Variants in TTBK2 observed in about 807,000 individuals in gnomAD.
TTBK2 encodes the protein tau tubulin kinase 2.
Under a neutral mutation model 110.8 loss-of-function variants are expected in TTBK2, and 28 were observed. The ratio of observed to expected loss-of-function variants is 0.25; its 90% confidence interval spans 0.19 to 0.35. TTBK2 has a LOEUF of 0.35. Among genes scored for constraint, TTBK2 ranks in the 10% least tolerant of loss-of-function variants. The probability of loss-of-function intolerance (pLI) is 1.00; values close to 1 mark genes in which losing one functional copy is unlikely to be tolerated. For missense variants in TTBK2, 1,369 were observed against 1,500.3 expected, an observed-to-expected ratio of 0.91 and a Z score of 1.45; for synonymous variants, 532 against 527.3, an observed-to-expected ratio of 1.01 and a Z score of -0.12.
rs1039246371 is a variant in TTBK2, at chr15:42,816,780, G to A, written c.603+252C>T. ...TAAAAATACAAAAAATTAGCTGGGC[G>A]TGGTGGCGGGCACCTGTAATTCCAG... On this transcript the variant is annotated intron_variant, in intron 7 of 14. Coordinates refer to ENST00000267890, the MANE Select transcript of TTBK2 (RefSeq NM_173500.4). Among the ~76,000 whole-genome samples, 10 of 151,916 alleles carry A rather than the reference G, an allele frequency of 6.6e-5. No homozygotes were observed. The South Asian group carries it at 1.9e-3, about 28-fold the overall frequency.
intron 13 of TTBK2, among the ~76,000 whole-genome samples, chr15:42,771,665 A>AC (rs1442364605): frequency 6.6e-6 from 1 of 152,250 alleles, no homozygotes; most frequent in Admixed American, 6.5e-5. Context: ...ATGTTGGCTA[A>AC]CAGGTTATTA....
At chr15:42,878,104 AGCTGGGACTACAGGC>A (rs1360552858) in intron 2 of TTBK2, among the ~76,000 whole-genome samples, 2 of 147,682 alleles carry the variant, frequency 1.4e-5, no homozygotes, top group East Asian at 3.9e-4. Context: ...CCTCCTGAGT[AGCTGGGACTACAGGC>A]GCCTGCACCA....
chr15:42,763,588 G>C (rs1004369121), intron 13 of TTBK2, among the ~76,000 whole-genome samples: 1 of 152,092 alleles, frequency 6.6e-6, no homozygotes, highest in African/African-American at 2.4e-5. Flanking sequence ...ATAAACGTTT[G>C]AGATGATGTA....
intron 3 of TTBK2, among the ~76,000 whole-genome samples, chr15:42,856,436 A>G (rs1893944831): frequency 6.6e-6 from 1 of 152,240 alleles, no homozygotes; most frequent in Non-Finnish European, 1.5e-5. Flanking sequence ...TGACATGGCA[A>G]CAAAATATAA....
intron 3 of TTBK2, among the ~76,000 whole-genome samples, chr15:42,843,008 A>C (rs1466493424): frequency 2.0e-5 from 3 of 152,204 alleles, no homozygotes; most frequent in Non-Finnish European, 4.4e-5. Context: ...AGAAACAATA[A>C]AAAATAAGTT....
chr15:42,763,157 C>CACAT (rs1435376904), intron 13 of TTBK2, among the ~76,000 whole-genome samples: 2 of 20,472 alleles, frequency 9.8e-5, no homozygotes, highest in South Asian at 3.4e-3. Context: ...TATATATATA[C>CACAT]ATATATATAT....
intron 3 of TTBK2, among the ~76,000 whole-genome samples, chr15:42,861,695 GAACA>G (rs1026987712): frequency 3.2e-4 from 48 of 151,460 alleles, no homozygotes; most frequent in African/African-American, 1.0e-3. Context: ...AAAAAAAAGA[GAACA>G]AACTAATCCC....
chr15:42,812,946 A>G lies in TTBK2; in HGVS notation c.604-1166T>C, dbSNP rs897267237. 3.9e-5 allele frequency among the ~76,000 whole-genome samples: 6 copies of G among 152,128 alleles called. No individual in the cohort carries two copies. The East Asian group carries it at 1.2e-3, about 29-fold the overall frequency. ...TATCTAGAATGCAGCACAGAGACAC[A>G]AAGAATTAGAGAATCCAGTAGTGAA... On this transcript the variant is annotated intron_variant, in intron 7 of 14. Coordinates refer to ENST00000267890, the MANE Select transcript of TTBK2 (RefSeq NM_173500.4).
At chr15:42,864,559 A>C (rs1207726996) in intron 3 of TTBK2, among the ~76,000 whole-genome samples, 1 of 152,026 alleles carries the variant, frequency 6.6e-6, no homozygotes, top group African/African-American at 2.4e-5. Context: ...ACCCCAGCCT[A>C]GGCAATAAGA....
Position 42,878,508 on chromosome 15 carries a change from C to CACAA in TTBK2, c.69+40_69+41insTTGT, listed in dbSNP as rs753299039. On this transcript the variant is annotated intron_variant, in intron 2 of 14. Transcript: ENST00000267890. ...CGATATGTATACACACACACACACA[C>CACAA]ACACACACACACACACACACTCTCT... is the stretch of plus-strand genomic sequence containing the variant. 1.9e-6 allele frequency: 3 copies of CACAA among 1,605,446 alleles called. No homozygotes were observed. In the South Asian group the frequency reaches 3.3e-5, roughly 18 times the overall value.
At chr15:42,918,290 C>A (rs1439748636) in intron 1 of TTBK2, among the ~76,000 whole-genome samples, 1 of 151,942 alleles carries the variant, frequency 6.6e-6, no homozygotes, top group Non-Finnish European at 1.5e-5. Flanking sequence ...TGGTCTCAAA[C>A]TCCTGGGCTC....
At chr15:42,913,078 T>G (rs1286396415) in intron 1 of TTBK2, among the ~76,000 whole-genome samples, 1 of 145,278 alleles carries the variant, frequency 6.9e-6, no homozygotes, top group South Asian at 2.2e-4. Flanking sequence ...TGAGCCGAGA[T>G]TGCGCCACTG....
At chr15:42,802,530 A>T in intron 9 of TTBK2, 1 of 458,166 alleles carries the variant, frequency 2.2e-6, no homozygotes, top group Non-Finnish European at 4.0e-6. Flanking sequence ...GGTAAAGAAA[A>T]AAATTTAACT....
chr15:42,768,715 A>C (rs1172134216), intron 13 of TTBK2, among the ~76,000 whole-genome samples: 10 of 152,174 alleles, frequency 6.6e-5, no homozygotes, highest in African/African-American at 1.7e-4. Context: ...ATGCCATCCC[A>C]ATCAAGCTAC....
Position 42,745,977 on chromosome 15 carries a change from G to A in TTBK2, c.3553C>T (p.Leu1185=), listed in dbSNP as rs769405212. The A allele has an allele frequency of 4.3e-6, 7 of 1,614,040 alleles. No homozygotes were observed. The Admixed American group carries it at 1.0e-4, about 23-fold the overall frequency. Residue 1185 remains leucine (L), a synonymous_variant, in exon 15 of 15, where the codon CTG becomes TTG. Coordinates refer to ENST00000267890, the MANE Select transcript of TTBK2 (RefSeq NM_173500.4). ...CTGGGAGGTGACTTGCTTCTCCCCA[G>A]ATGTGGGGACGAACTCCTCTGGTCA... ...HHDQRSSSPH[L]GRSKSPPSHS... is the part of the protein sequence containing the mutation.
chr15:42,915,390 T>C (rs574771871), intron 1 of TTBK2, among the ~76,000 whole-genome samples: 1 of 152,348 alleles, frequency 6.6e-6, no homozygotes, highest in African/African-American at 2.4e-5. Flanking sequence ...ATAATGGCCC[T>C]AAAACACAAG....
At chr15:42,837,584 A>G (rs1816285407) in intron 4 of TTBK2, among the ~76,000 whole-genome samples, 1 of 142,550 alleles carries the variant, frequency 7.0e-6, no homozygotes, top group South Asian at 2.4e-4. Flanking sequence ...ACTTGAACCC[A>G]GGAGGTGGAA....
chr15:42,778,000 CAA>C (rs1890005953), intron 11 of TTBK2, among the ~76,000 whole-genome samples: 2 of 149,706 alleles, frequency 1.3e-5, no homozygotes, highest in Non-Finnish European at 3.0e-5. Flanking sequence ...GAACTCCCAT[CAA>C]TTATTAATTA....
intron 10 of TTBK2, among the ~76,000 whole-genome samples, chr15:42,784,103 A>T (rs540560159): frequency 2.0e-5 from 3 of 151,972 alleles, no homozygotes; most frequent in Non-Finnish European, 4.4e-5. Flanking sequence ...AAGAAAAAAA[A>T]AACTTAGGTC....
Sources: allele counts gnomAD v4.1 joint callset (sites outside exome capture counted in the v4.1 genomes callset), GRCh38; gene constraint gnomAD v4.1.1; transcripts MANE v1.5; gene names NCBI Gene and HGNC (gene_info 2026-07-23, HGNC 2026-07-21).